Variants in SLC39A10 observed in about 807,000 individuals in gnomAD.
SLC39A10 encodes zinc transporter ZIP10.
A neutral mutation model predicts 65.1 loss-of-function variants in SLC39A10; 13 were observed. The observed-to-expected ratio is 0.20, with a 90% CI of 0.13 to 0.32. The LOEUF (loss-of-function observed/expected upper bound fraction) is 0.32, where lower values mean the gene tolerates loss of function less well. SLC39A10 is among the 10% of genes least tolerant of loss of function. SLC39A10 has a pLI of 1.00. For missense variants in SLC39A10, 831 were observed against 1,018.4 expected, an observed-to-expected ratio of 0.82 and a Z score of 2.50; for synonymous variants, 321 against 342.2, an observed-to-expected ratio of 0.94 and a Z score of 0.68.
chr2:195,683,643 T>C, intron 2 of SLC39A10, 56 bp from the exon 3 acceptor site: 5 of 1,335,112 alleles, frequency 3.7e-6, no homozygotes, highest in Non-Finnish European at 5.3e-6. Context: ...TTTATTTTTT[T>C]GCATAATCTC....
chr2:195,647,066 C>T (rs553693889), intron 2 of SLC39A10, among the ~76,000 whole-genome samples: 46 of 152,186 alleles, frequency 3.0e-4, no homozygotes, highest in African/African-American at 1.1e-3. Flanking sequence ...TTTTTAGAGT[C>T]TCTTATGATT....
At chr2:195,717,039 C>T (rs748175911) in intron 7 of SLC39A10, 34 bp downstream of exon 7, 2 of 1,592,654 alleles carry the variant, frequency 1.3e-6, no homozygotes, top group East Asian at 2.2e-5. Context: ...CTATGCTAAT[C>T]TTATGGACTA....
intron 8 of SLC39A10, among the ~76,000 whole-genome samples, chr2:195,723,084 C>T (rs146719674): frequency 1.6e-4 from 25 of 152,216 alleles, no homozygotes; most frequent in African/African-American, 5.5e-4. Context: ...GAATGTGATA[C>T]GTAAAGACAT....
rs1692672444 is a variant in SLC39A10, at chr2:195,737,365, T to TATCAATCAA, written c.*2325_*2333dup. On this transcript the variant is annotated 3_prime_UTR_variant, in exon 10 of 10. Transcript: ENST00000359634. Reference sequence around the variant, plus strand: ...TGACATCCATATGAATTTTGGTATATATCAATCAATCAATCAATCACATTG... The same window carrying TATCAATCAA: ...TGACATCCATATGAATTTTGGTATATATCAATCAAATCAATCAATCAATCAATCACATTG... The TATCAATCAA allele has an allele frequency of 6.6e-6, 1 of 152,416 alleles. No individual in the cohort carries two copies. Among genetic ancestry groups the TATCAATCAA allele is most frequent in the East Asian group, 1.9e-4 (1 of 5,172 alleles). 9.4% of individuals were successfully genotyped at this position (152,416 alleles called of 1,614,324 possible). A position where few individuals can be genotyped will look rare whatever the true frequency, so the allele number is the denominator to read the frequency against.
chr2:195,623,000 A>C (rs1688383167), intron 2 of SLC39A10, among the ~76,000 whole-genome samples: 1 of 147,816 alleles, frequency 6.8e-6, no homozygotes, highest in Non-Finnish European at 1.5e-5. Context: ...AAAAAGAACC[A>C]AGTTTGAACA....
At chr2:195,629,531 C>A (rs950481059) in intron 2 of SLC39A10, among the ~76,000 whole-genome samples, 1 of 152,092 alleles carries the variant, frequency 6.6e-6, no homozygotes, top group Non-Finnish European at 1.5e-5. Context: ...GACACTGCTT[C>A]TACACCAGCA....
chr2:195,616,642 C>T (rs1329358058), intron 2 of SLC39A10, among the ~76,000 whole-genome samples: 1 of 149,048 alleles, frequency 6.7e-6, no homozygotes, highest in Non-Finnish European at 1.5e-5. Flanking sequence ...GAACCTCTGT[C>T]GCCCAGGCTG....
chr2:195,665,092 G>C (rs6727870), intron 1 of SLC39A10, among the ~76,000 whole-genome samples: 1 of 151,928 alleles, frequency 6.6e-6, no homozygotes, highest in Non-Finnish European at 1.5e-5. Flanking sequence ...GGGAGGCTGA[G>C]GGGGGCTGGA....
intron 2 of SLC39A10, among the ~76,000 whole-genome samples, chr2:195,681,919 C>T (rs910888658): frequency 6.6e-6 from 1 of 152,070 alleles, no homozygotes; most frequent in Non-Finnish European, 1.5e-5. Context: ...ATATGGCTAG[C>T]TTGTTTTCTC....
rs79930913 is a variant in SLC39A10, at chr2:195,700,269, G to A, written c.1217-6347G>A. Among the ~76,000 whole-genome samples the A allele has an allele frequency of 0.019, 2,817 of 152,140 alleles. 217 individuals are homozygous for A. In the East Asian group the frequency reaches 0.25, roughly 13 times the overall value. The stretch of plus-strand genomic sequence containing the variant: ...CTGTTATTTTGCTGTTTGTTTTTCT[G>A]TATGCCTTAATGCTTTTTTTGTCCT... On this transcript the variant is annotated intron_variant, in intron 3 of 9. Transcript: ENST00000359634.
At position 195,632,657 on chromosome 2, in the gene SLC39A10, G is replaced by A. The variant is rs543976936; in HGVS notation, c.-12+26424G>A. ...TACTTGATCTACTGATGTGAATTAC[G>A]ATTCATGGTTTCATCCATTTCTCTT... is the stretch of plus-strand genomic sequence containing the variant. On this transcript the variant is annotated intron_variant, in intron 2 of 2. Transcript: ENST00000458054. Among the ~76,000 whole-genome samples, 326 of 152,188 alleles carry A rather than the reference G, an allele frequency of 2.1e-3. 1 individual carries two copies. Among genetic ancestry groups the A allele is most frequent in the Non-Finnish European group, 3.8e-3 (258 of 68,006 alleles).
At chr2:195,634,957 A>G (rs1688667382) in intron 2 of SLC39A10, among the ~76,000 whole-genome samples, 1 of 152,152 alleles carries the variant, frequency 6.6e-6, no homozygotes, top group Non-Finnish European at 1.5e-5. Flanking sequence ...CTAAGGCAGA[A>G]GGATTGGTTG....
chr2:195,661,806 G>A (rs1197366102), intron 1 of SLC39A10, among the ~76,000 whole-genome samples: 1 of 152,060 alleles, frequency 6.6e-6, no homozygotes, highest in East Asian at 1.9e-4. Context: ...CAAGTATAAG[G>A]ACAAAATCTA....
At chr2:195,716,407 A>G (rs949284957) in intron 6 of SLC39A10, among the ~76,000 whole-genome samples, 1 of 151,882 alleles carries the variant, frequency 6.6e-6, no homozygotes, top group Non-Finnish European at 1.5e-5. Flanking sequence ...CCCAAACCCA[A>G]TTTCTTCTTT....
chr2:195,654,283 T>A (rs974296177), upstream of SLC39A10, among the ~76,000 whole-genome samples: 1 of 152,172 alleles, frequency 6.6e-6, no homozygotes, highest in Non-Finnish European at 1.5e-5. Context: ...ACTCTTAATT[T>A]TGTTGTGTAT....
intron 3 of SLC39A10, among the ~76,000 whole-genome samples, chr2:195,694,361 T>C (rs1690856452): frequency 6.6e-6 from 1 of 152,236 alleles, no homozygotes; most frequent in Non-Finnish European, 1.5e-5. Flanking sequence ...TTGCTGACTT[T>C]CTGTCTTGAT....
chr2:195,685,024 G>C (rs1191626205), intron 3 of SLC39A10, among the ~76,000 whole-genome samples: 1 of 152,126 alleles, frequency 6.6e-6, no homozygotes, highest in African/African-American at 2.4e-5. Context: ...TGATATCTCA[G>C]AGCTAATAAG....
chr2:195,628,139 G>A (rs1251292515), intron 2 of SLC39A10, among the ~76,000 whole-genome samples: 1 of 152,168 alleles, frequency 6.6e-6, no homozygotes, highest in Non-Finnish European at 1.5e-5. Flanking sequence ...TAAGAAAACT[G>A]TGAGAAAGAT....
At chr2:195,685,754 G>C (rs1402016756) in intron 3 of SLC39A10, among the ~76,000 whole-genome samples, 1 of 152,020 alleles carries the variant, frequency 6.6e-6, no homozygotes, top group Non-Finnish European at 1.5e-5. Context: ...GATCTTGGGG[G>C]ATCTTAATAA....
Sources: gnomAD v4.1 joint callset for allele counts (sites outside exome capture counted in the v4.1 genomes callset) on GRCh38, gnomAD v4.1.1 for gene constraint, MANE v1.5 for transcripts, NCBI Gene and HGNC (gene_info 2026-07-23, HGNC 2026-07-21) for gene names.